SFI1: variants seen among roughly 807,000 people sequenced by gnomAD.
The protein encoded by SFI1 is protein SFI1 homolog.
Under a neutral mutation model 207.5 loss-of-function variants are expected in SFI1, and 195 were observed. The observed-to-expected ratio is 0.94, with a 90% CI of 0.84 to 1.06. The LOEUF (loss-of-function observed/expected upper bound fraction) is 1.06, where lower values mean the gene tolerates loss of function less well. Among genes scored for constraint, SFI1 ranks in the 50% least tolerant of loss-of-function variants. The pLI is 0.00. For missense variants in SFI1, 1,634 were observed against 1,588.0 expected (o/e 1.03, Z -0.49); for synonymous variants, 630 against 598.9 (o/e 1.05, Z -0.76).
At chr22:31,540,108 G>T (rs894470379) in intron 4 of SFI1, among the ~76,000 whole-genome samples, 1 of 131,640 alleles carries the variant, frequency 7.6e-6, no homozygotes, top group Non-Finnish European at 1.5e-5. Context: ...CTAGCTGTCT[G>T]TGTCTCTGAA....
In SFI1 at chr22:31,602,611, T is replaced by C; in HGVS notation, c.1631T>C (p.Ile544Thr). The change falls in exon 17 of 33, where the codon ATC becomes ACC. Residue 544 changes from isoleucine to threonine, a missense_variant. Coordinates refer to ENST00000400288, the MANE Select transcript of SFI1 (RefSeq NM_001007467.3). ...RENRLAERMA[I>T]LHAERQLLYR... The stretch of plus-strand genomic sequence containing the variant: ...CTCCTTCCTGTCCTGCCTCAGGCCA[T>C]CCTTCACGCAGAGCGACAGCTTCTG... 1.9e-6 allele frequency: 3 copies of C among 1,614,152 alleles called. No homozygotes were observed. Among genetic ancestry groups the C allele is most frequent in the Non-Finnish European group, 2.5e-6 (3 of 1,180,024 alleles).
intron 3 of SFI1, chr22:31,529,074 C>T: frequency 2.0e-6 from 1 of 497,246 alleles, no homozygotes; most frequent in South Asian, 4.2e-5. Context: ...CCACTTGTGC[C>T]TCACAATATG....
At chr22:31,514,963 G>C (rs899324021) in intron 2 of SFI1, among the ~76,000 whole-genome samples, 2 of 151,940 alleles carry the variant, frequency 1.3e-5, no homozygotes, top group Non-Finnish European at 2.9e-5. Context: ...GTAGAGACAG[G>C]GTTTCACCAT....
chr22:31,588,608 A>G (rs1283399303), intron 14 of SFI1, among the ~76,000 whole-genome samples: 1 of 152,206 alleles, frequency 6.6e-6, no homozygotes, highest in Non-Finnish European at 1.5e-5. Context: ...AGGTCAAGAG[A>G]TCAAGACCAT....
intron 31 of SFI1, among the ~76,000 whole-genome samples, chr22:31,617,785 C>G (rs1455683109): frequency 6.6e-6 from 1 of 151,878 alleles, no homozygotes; most frequent in African/African-American, 2.4e-5. Flanking sequence ...GTCTGGGGAC[C>G]ATTCAACATG....
chr22:31,557,540 T>C (rs2061288064), intron 7 of SFI1, among the ~76,000 whole-genome samples: 1 of 152,190 alleles, frequency 6.6e-6, no homozygotes, highest in African/African-American at 2.4e-5. Context: ...AAAGATTTAC[T>C]GATAACTTGT....
At chr22:31,511,261 G>C (rs1051137251) in intron 2 of SFI1, among the ~76,000 whole-genome samples, 20 of 152,120 alleles carry the variant, frequency 1.3e-4, no homozygotes, top group Non-Finnish European at 2.8e-4. Flanking sequence ...AGGTCATTGA[G>C]TTCAAGCATA....
At position 31,604,367 on chromosome 22, in the gene SFI1, A is replaced by AGCACAGCGTGCT. The variant is rs1308816759; in HGVS notation, c.1947_1958dup (p.Ser649_His652dup). On this transcript the variant is annotated inframe_insertion, in exon 19 of 33. Coordinates refer to ENST00000400288, the MANE Select transcript of SFI1 (RefSeq NM_001007467.3). Reference sequence around the variant, plus strand: ...CTGATGCGAGCAGACCTGCACCACCAGCACAGCGTGCTGCACAGGGCGCTG... The same window carrying AGCACAGCGTGCT: ...CTGATGCGAGCAGACCTGCACCACCAGCACAGCGTGCTGCACAGCGTGCTGCACAGGGCGCTG... 1.3e-6 allele frequency: 2 copies of AGCACAGCGTGCT among 1,575,406 alleles called. No individual in the cohort carries two copies. Among genetic ancestry groups the AGCACAGCGTGCT allele is most frequent in the Non-Finnish European group, 1.7e-6 (2 of 1,162,920 alleles).
At chr22:31,575,536 A>AT in intron 10 of SFI1, 144 bp downstream of exon 10, 2 of 832,592 alleles carry the variant, frequency 2.4e-6, no homozygotes, top group Non-Finnish European at 3.4e-6. Flanking sequence ...CAGTCTTAAA[A>AT]TTTTTGTTTA....
intron 2 of SFI1, among the ~76,000 whole-genome samples, chr22:31,514,752 G>T (rs1395705222): frequency 1.3e-5 from 2 of 151,160 alleles, no homozygotes; most frequent in African/African-American, 4.9e-5. Context: ...AATTCATGTT[G>T]TCGAAAACGA....
At chr22:31,596,369 G>GT (rs2067114539) in intron 15 of SFI1, among the ~76,000 whole-genome samples, 1 of 152,170 alleles carries the variant, frequency 6.6e-6, no homozygotes, top group Non-Finnish European at 1.5e-5. Flanking sequence ...CAGGGAGATG[G>GT]TTTTAGGTGG....
At chr22:31,521,503 C>T (rs2057246975) in intron 2 of SFI1, 2 of 154,738 alleles carry the variant, frequency 1.3e-5, no homozygotes, top group South Asian at 2.0e-4. Flanking sequence ...ATATGGCCCA[C>T]CCGGAACTGT....
At chr22:31,519,413 G>GGCAT (rs1462905933) in intron 2 of SFI1, among the ~76,000 whole-genome samples, 1 of 151,218 alleles carries the variant, frequency 6.6e-6, no homozygotes, top group Non-Finnish European at 1.5e-5. Flanking sequence ...TGGGAGTAGA[G>GGCAT]GCATGCATCA....
At chr22:31,545,069 A>G (rs1041707663) in intron 4 of SFI1, among the ~76,000 whole-genome samples, 1 of 152,026 alleles carries the variant, frequency 6.6e-6, no homozygotes, top group African/African-American at 2.4e-5. Flanking sequence ...TTGGCTAACT[A>G]AAAAAATTTA....
chr22:31,557,007 A>G lies in SFI1; in HGVS notation c.610A>G (p.Lys204Glu), dbSNP rs770322915. Reference protein sequence around the residue: ...WLIYVVVRRTKLQMQTTALEF... With the variant: ...WLIYVVVRRTELQMQTTALEF... Reference sequence around the variant, plus strand: ...GATCTACGTGGTTGTTCGTAGGACCAAACTTCAGATGCAGACTACAGCTCT... The same window carrying G: ...GATCTACGTGGTTGTTCGTAGGACCGAACTTCAGATGCAGACTACAGCTCT... The change falls in exon 7 of 33, where the codon AAA (lysine) becomes GAA (glutamate). Residue 204 changes from lysine to glutamate, a missense_variant. Lys to Glu is a moderately conservative substitution (Grantham distance 56, BLOSUM62 1). Coordinates refer to ENST00000400288, the MANE Select transcript of SFI1 (RefSeq NM_001007467.3). 2 of 1,612,632 alleles carry G rather than the reference A, an allele frequency of 1.2e-6. No individual in the cohort carries two copies. Among genetic ancestry groups the G allele is most frequent in the South Asian group, 2.2e-5 (2 of 90,938 alleles).
intron 14 of SFI1, among the ~76,000 whole-genome samples, chr22:31,585,608 T>C (rs761882596): frequency 3.7e-4 from 57 of 152,192 alleles, no homozygotes; most frequent in African/African-American, 9.7e-4. Flanking sequence ...GAAATACTTA[T>C]TGAGCAACTG....
chr22:31,554,324 T>A (rs2060946923), intron 6 of SFI1, among the ~76,000 whole-genome samples: 1 of 152,126 alleles, frequency 6.6e-6, no homozygotes, highest in South Asian at 2.1e-4. Flanking sequence ...TTTTTTAAAT[T>A]TTGAGATGGA....
At chr22:31,608,419 G>A (rs148099248) in intron 22 of SFI1, among the ~76,000 whole-genome samples, 1,642 of 152,208 alleles carry the variant, frequency 0.011, 8 homozygotes, top group Middle Eastern at 0.031. Flanking sequence ...TGGTCATATC[G>A]GATGAAGGGC....
chr22:31,606,976 G>C (rs2069134457), intron 21 of SFI1, among the ~76,000 whole-genome samples: 1 of 151,900 alleles, frequency 6.6e-6, no homozygotes, highest in Admixed American at 6.6e-5. Flanking sequence ...GGGATTACAG[G>C]CTCTTTGAAT....
Sources: allele counts gnomAD v4.1 joint callset (sites outside exome capture counted in the v4.1 genomes callset), GRCh38; gene constraint gnomAD v4.1.1; transcripts MANE v1.5; gene names NCBI Gene and HGNC (gene_info 2026-07-23, HGNC 2026-07-21).